Variants in DOCK2 observed in about 807,000 individuals in gnomAD.
DOCK2 encodes dedicator of cytokinesis 2.
A neutral mutation model predicts 248.9 loss-of-function variants in DOCK2; 87 were observed. The observed-to-expected ratio is 0.35, with a 90% confidence interval of 0.29 to 0.42. The LOEUF (loss-of-function observed/expected upper bound fraction) is 0.42, where lower values mean the gene tolerates loss of function less well. Ranked by LOEUF, DOCK2 falls within the 10% of genes least tolerant of loss-of-function variation. The probability of loss-of-function intolerance (pLI) is 1.00; values close to 1 mark genes in which losing one functional copy is unlikely to be tolerated. For missense variants in DOCK2, 1,747 were observed against 2,300.2 expected (o/e 0.76, Z 4.92); for synonymous variants, 805 against 821.6 (o/e 0.98, Z 0.35).
chr5:169,983,181 T>C lies in DOCK2; in HGVS notation c.2898+15T>C, dbSNP rs1777984590. On this transcript the variant is annotated intron_variant, in intron 28 of 51. Transcript: ENST00000520908. ...CTGAACTTGTGGTGAGTCTGCAGGA[T>C]GCTGGGGGTGAGGAAGAACTCTTCC... is the stretch of plus-strand genomic sequence containing the variant. 6.2e-7 allele frequency: 1 copy of C among 1,613,598 alleles called. No individual in the cohort carries two copies. The highest frequency in any genetic ancestry group is 1.1e-5 in the South Asian group (1 of 91,068).
At chr5:169,999,191 T>G (rs1170467475) in intron 30 of DOCK2, among the ~76,000 whole-genome samples, 6 of 152,222 alleles carry the variant, frequency 3.9e-5, no homozygotes, top group Non-Finnish European at 8.8e-5. Flanking sequence ...AATCTGTATT[T>G]GAGAGATGCT....
intron 8 of DOCK2, among the ~76,000 whole-genome samples, chr5:169,687,591 C>T (rs1301455351): frequency 6.6e-6 from 1 of 152,134 alleles, no homozygotes; most frequent in East Asian, 1.9e-4. Context: ...AAATAATGGG[C>T]ACTTATTTAG....
chr5:169,788,414 GTTCTTT>G (rs1766126725), intron 25 of DOCK2, among the ~76,000 whole-genome samples: 1 of 152,150 alleles, frequency 6.6e-6, no homozygotes, highest in South Asian at 2.1e-4. Flanking sequence ...CTTCTCTCCA[GTTCTTT>G]TCAGAGCTAA....
chr5:169,841,429 C>T, intron 27 of DOCK2: 1 of 985,892 alleles, frequency 1.0e-6, no homozygotes, highest in East Asian at 1.1e-4. Flanking sequence ...TAACCTCTGC[C>T]CATCGTGCTT....
intron 33 of DOCK2, among the ~76,000 whole-genome samples, chr5:170,020,494 T>A (rs1755683631): frequency 6.6e-6 from 1 of 152,256 alleles, no homozygotes; most frequent in African/African-American, 2.4e-5. Context: ...AGATATTTAC[T>A]ACATATCAGG....
At chr5:169,702,842 G>A (rs1008715095) in intron 14 of DOCK2, among the ~76,000 whole-genome samples, 1 of 152,124 alleles carries the variant, frequency 6.6e-6, no homozygotes, top group Non-Finnish European at 1.5e-5. Context: ...TTGGGCTGGT[G>A]TGGAGGCTCA....
chr5:169,947,299 ATG>A (rs35566833), intron 27 of DOCK2, among the ~76,000 whole-genome samples: 13 of 152,340 alleles, frequency 8.5e-5, no homozygotes, highest in African/African-American at 3.1e-4. Flanking sequence ...TGAAGAGGAG[ATG>A]GGTCTTGGAA....
intron 32 of DOCK2, among the ~76,000 whole-genome samples, chr5:170,015,567 T>TTTTTG (rs113103035): frequency 0.095 from 14,396 of 150,996 alleles, 944 homozygotes; most frequent in Admixed American, 0.21. Context: ...TTTAGGTTTT[T>TTTTTG]TTTGTTTGTT....
At chr5:169,957,582 C>G (rs952521359) in intron 27 of DOCK2, among the ~76,000 whole-genome samples, 1 of 152,206 alleles carries the variant, frequency 6.6e-6, no homozygotes, top group African/African-American at 2.4e-5. Flanking sequence ...CTGCCTCTTT[C>G]TACTGCTAAA....
intron 22 of DOCK2, among the ~76,000 whole-genome samples, chr5:169,726,195 C>T (rs963339149): frequency 2.0e-5 from 3 of 152,094 alleles, no homozygotes; most frequent in Non-Finnish European, 4.4e-5. Context: ...TAATGATCGC[C>T]ATTCTAACTG....
chr5:170,075,601 G>T, intron 46 of DOCK2: 1 of 211,536 alleles, frequency 4.7e-6, no homozygotes, highest in Non-Finnish European at 9.6e-6. Context: ...TTAAATCAAT[G>T]CAACAGAGAT....
intron 25 of DOCK2, among the ~76,000 whole-genome samples, chr5:169,787,059 C>T (rs752282251): frequency 9.2e-5 from 14 of 152,150 alleles, no homozygotes; most frequent in Non-Finnish European, 1.6e-4. Flanking sequence ...AAGAGAGGTG[C>T]TGTTATTATT....
intron 1 of DOCK2, among the ~76,000 whole-genome samples, chr5:169,637,637 G>A (rs1179134958): frequency 1.3e-5 from 2 of 152,186 alleles, no homozygotes; most frequent in Non-Finnish European, 1.5e-5. Flanking sequence ...CAAGACCTGC[G>A]CTTGACAACT....
chr5:169,783,737 A>G (rs1016105683), intron 25 of DOCK2, among the ~76,000 whole-genome samples: 1 of 152,214 alleles, frequency 6.6e-6, no homozygotes, highest in Non-Finnish European at 1.5e-5. Context: ...TTACGATACT[A>G]GTTACTTTTA....
chr5:169,873,558 G>A (rs1772118412), intron 27 of DOCK2, among the ~76,000 whole-genome samples: 2 of 152,210 alleles, frequency 1.3e-5, no homozygotes, highest in Admixed American at 6.5e-5. Context: ...GCTGGCCAGA[G>A]GGAGGACTGT....
intron 22 of DOCK2, among the ~76,000 whole-genome samples, chr5:169,722,597 C>T (rs1275423200): frequency 6.6e-6 from 1 of 152,178 alleles, no homozygotes; most frequent in Non-Finnish European, 1.5e-5. Flanking sequence ...CTCTGAGCCT[C>T]AGCATCCTCA....
chr5:170,054,247 C>A (rs931546395), intron 41 of DOCK2, among the ~76,000 whole-genome samples: 1 of 151,786 alleles, frequency 6.6e-6, no homozygotes, highest in African/African-American at 2.4e-5. Flanking sequence ...CATGTCAGGC[C>A]CAGGAAAAGA....
chr5:169,954,248 C>T (rs889008355), intron 27 of DOCK2, among the ~76,000 whole-genome samples: 7 of 152,176 alleles, frequency 4.6e-5, no homozygotes, highest in African/African-American at 1.7e-4. Flanking sequence ...AATCGCTGGA[C>T]ATTTTTGAAA....
At chr5:169,823,615 G>A (rs969352774) in intron 26 of DOCK2, among the ~76,000 whole-genome samples, 4 of 152,118 alleles carry the variant, frequency 2.6e-5, no homozygotes, top group African/African-American at 7.2e-5. Context: ...TTGATGGGAC[G>A]TACCTCAAAA....
Sources: allele counts gnomAD v4.1 joint callset (sites outside exome capture counted in the v4.1 genomes callset), GRCh38; gene constraint gnomAD v4.1.1; transcripts MANE v1.5; gene names NCBI Gene and HGNC (gene_info 2026-07-23, HGNC 2026-07-21).